Variants in KDM4B observed in about 807,000 individuals in gnomAD.
KDM4B encodes the protein lysine-specific demethylase 4B.
In KDM4B, 32 loss-of-function variants were observed where a neutral mutation model predicts 125.2. The ratio of observed to expected loss-of-function variants is 0.26; its 90% confidence interval spans 0.19 to 0.34. The LOEUF is 0.34. KDM4B is among the 10% of genes least tolerant of loss of function. The probability of loss-of-function intolerance (pLI) is 1.00; values close to 1 mark genes in which losing one functional copy is unlikely to be tolerated. For missense variants in KDM4B, 1,190 were observed against 1,577.7 expected (o/e 0.75, Z 4.16); for synonymous variants, 721 against 677.9 (o/e 1.06, Z -0.99).
intron 9 of KDM4B, among the ~76,000 whole-genome samples, chr19:5,090,633 G>A (rs568351194): frequency 7.2e-4 from 75 of 104,206 alleles, no homozygotes; most frequent in African/African-American, 2.8e-3. Flanking sequence ...CGCTGCGCGC[G>A]TGCGCCCCCC....
intron 2 of KDM4B, among the ~76,000 whole-genome samples, chr19:5,021,744 CT>C (rs1332341748): frequency 6.7e-6 from 1 of 150,374 alleles, no homozygotes; most frequent in Non-Finnish European, 1.5e-5. Flanking sequence ...AGCAATTTTC[CT>C]GCCTCAGCCT....
chr19:5,112,004 T>G, intron 10 of KDM4B: 11 of 579,674 alleles, frequency 1.9e-5, no homozygotes, highest in East Asian at 2.9e-5. Flanking sequence ...CTGTAATCTC[T>G]GCACTTTGGA....
rs566929926 is a variant in KDM4B, at chr19:5,124,878, G to T, written c.1315+5026G>T. On this transcript the variant is annotated intron_variant, in intron 11 of 22. Transcript: ENST00000159111. ...CCCAAGGTGCTGGGATTACAGGCCC[G>T]AGCCACTATGCCCAGCCTTCTTTTC... is the stretch of plus-strand genomic sequence containing the variant. 1.2e-3 allele frequency among the ~76,000 whole-genome samples: 189 copies of T among 152,160 alleles called. 1 individual carries two copies. The highest frequency in any genetic ancestry group is 2.2e-3 in the Non-Finnish European group (152 of 68,008).
chr19:5,004,722 G>A (rs1411569753), intron 1 of KDM4B, among the ~76,000 whole-genome samples: 3 of 152,156 alleles, frequency 2.0e-5, no homozygotes, highest in Non-Finnish European at 2.9e-5. Context: ...CCCACAGAGG[G>A]GCAGGAAGGC....
intron 2 of KDM4B, among the ~76,000 whole-genome samples, chr19:5,022,077 T>C (rs1003634794): frequency 4.6e-5 from 7 of 152,198 alleles, no homozygotes; most frequent in Admixed American, 3.3e-4. Flanking sequence ...GGACTGAGCA[T>C]TGAGCTTGGA....
At chr19:5,118,870 C>T (rs551673619) in intron 10 of KDM4B, among the ~76,000 whole-genome samples, 18 of 152,268 alleles carry the variant, frequency 1.2e-4, no homozygotes, top group African/African-American at 2.9e-4. Context: ...ATGCAGGATG[C>T]GCCTCCTCTT....
rs572115357 is a variant in KDM4B, at chr19:4,996,029, C to T, written c.-108-20228C>T. On this transcript the variant is annotated intron_variant, in intron 1 of 22. Transcript: ENST00000159111. ...CTTTTTAGACAGTGTCTCGCTCTGT[C>T]GCCCAGGCTGGCCTGCAGTGGTGTG... Among the ~76,000 whole-genome samples the T allele has an allele frequency of 1.6e-4, 24 of 152,210 alleles. No individual in the cohort carries two copies. In the South Asian group the frequency reaches 2.7e-3, roughly 17 times the overall value.
Position 5,126,561 on chromosome 19 carries a change from C to A in KDM4B, c.1316-4515C>A, listed in dbSNP as rs560880223. 1.2e-4 allele frequency among the ~76,000 whole-genome samples: 18 copies of A among 152,368 alleles called. No individual in the cohort carries two copies. The East Asian group carries it at 3.5e-3, about 29-fold the overall frequency. ...GTGAGTGGGGCAGCCAGCCCCCAGC[C>A]CTTCCCCTCCCCTCGCCCCGGAGTG... is the stretch of plus-strand genomic sequence containing the variant. On this transcript the variant is annotated intron_variant, in intron 11 of 22. Coordinates refer to ENST00000159111, the MANE Select transcript of KDM4B (RefSeq NM_015015.3).
intron 9 of KDM4B, among the ~76,000 whole-genome samples, chr19:5,095,630 G>C (rs575290858): frequency 6.6e-6 from 1 of 152,170 alleles, no homozygotes; most frequent in Non-Finnish European, 1.5e-5. Flanking sequence ...AGATCGCAAG[G>C]GGCTGGCCAG....
chr19:4,977,226 C>T (rs143777387), intron 1 of KDM4B, among the ~76,000 whole-genome samples: 92 of 152,274 alleles, frequency 6.0e-4, no homozygotes, highest in African/African-American at 2.1e-3. Context: ...TGGCCGAGCG[C>T]GAAGTTGCTC....
At chr19:5,094,822 ACTC>A (rs2038786082) in intron 9 of KDM4B, among the ~76,000 whole-genome samples, 1 of 152,044 alleles carries the variant, frequency 6.6e-6, no homozygotes, top group Non-Finnish European at 1.5e-5. Context: ...TGAACCCTCC[ACTC>A]CTCAGTCAGG....
chr19:5,043,919 T>C (rs548557646), intron 5 of KDM4B, among the ~76,000 whole-genome samples: 30 of 126,556 alleles, frequency 2.4e-4, no homozygotes, highest in East Asian at 1.9e-3. Context: ...TTATCCCGCG[T>C]GGTGTTTATC....
intron 18 of KDM4B, among the ~76,000 whole-genome samples, chr19:5,138,651 G>C (rs1324360977): frequency 6.6e-6 from 1 of 151,882 alleles, no homozygotes; most frequent in African/African-American, 2.4e-5. Context: ...GCCAGGCACT[G>C]TCTCAAAAAA....
At chr19:5,014,170 A>G (rs1449970207) in intron 1 of KDM4B, among the ~76,000 whole-genome samples, 3 of 152,246 alleles carry the variant, frequency 2.0e-5, no homozygotes, top group African/African-American at 4.8e-5. Flanking sequence ...TTTTTGAGAC[A>G]GGGTCTCGCT....
At chr19:5,002,153 A>C (rs1032833209) in intron 1 of KDM4B, among the ~76,000 whole-genome samples, 1 of 152,108 alleles carries the variant, frequency 6.6e-6, no homozygotes, top group Non-Finnish European at 1.5e-5. Context: ...GTGTGCCACC[A>C]TGTCCAGCTA....
chr19:4,973,724 G>A (rs538560709), intron 1 of KDM4B, among the ~76,000 whole-genome samples: 83 of 152,010 alleles, frequency 5.5e-4, no homozygotes, highest in African/African-American at 1.9e-3. Context: ...TGAGGAGCTC[G>A]GAAAATGGCC....
chr19:5,031,168 T>TG (rs977111978), intron 2 of KDM4B, among the ~76,000 whole-genome samples: 8 of 151,878 alleles, frequency 5.3e-5, no homozygotes, highest in Non-Finnish European at 1.2e-4. Context: ...GGTGCAGCGT[T>TG]GGGGGGATCC....
chr19:5,023,886 C>CT (rs748935631), intron 2 of KDM4B, among the ~76,000 whole-genome samples: 3 of 149,908 alleles, frequency 2.0e-5, no homozygotes, highest in Non-Finnish European at 4.4e-5. Context: ...GCCTCAGCCT[C>CT]TAAGTAGCTG....
At chr19:5,077,714 C>T in intron 8 of KDM4B, 1 of 492,668 alleles carries the variant, frequency 2.0e-6, no homozygotes, top group Non-Finnish European at 3.6e-6. Context: ...CAAACCAAAA[C>T]TTCCTCCTGG....
Sources: allele counts gnomAD v4.1 joint callset (sites outside exome capture counted in the v4.1 genomes callset), GRCh38; gene constraint gnomAD v4.1.1; transcripts MANE v1.5; gene names NCBI Gene and HGNC (gene_info 2026-07-23, HGNC 2026-07-21).